MARCHF10: variants seen among roughly 807,000 people sequenced by gnomAD.
MARCHF10 encodes the protein probable E3 ubiquitin-protein ligase MARCHF10.
Under a neutral mutation model 76.2 loss-of-function variants are expected in MARCHF10, and 64 were observed. The observed-to-expected ratio is 0.84, with a 90% CI of 0.69 to 1.03. MARCHF10 has a LOEUF of 1.03. MARCHF10 is among the 50% of genes least tolerant of loss of function. The pLI, the probability that MARCHF10 is intolerant of heterozygous loss-of-function variation, is 0.00. For synonymous variants in MARCHF10, 340 were observed against 357.5 expected (o/e 0.95, Z 0.55); for missense variants, 875 against 958.0 (o/e 0.91, Z 1.14).
Position 62,736,081 on chromosome 17 carries a change from T to G in MARCHF10, c.1787A>C (p.Gln596Pro), listed in dbSNP as rs1206341831. Residue 596 changes from glutamine to proline, a missense_variant, in exon 6 of 11, where the codon CAA becomes CCA. Physicochemically the swap from Gln to Pro is moderately conservative, Grantham distance 76. Coordinates refer to ENST00000311269, the MANE Select transcript of MARCHF10 (RefSeq NM_152598.4). Reference sequence around the variant, plus strand: ...AAAGAAAGTAAATGGTGTATTTTCTTGCAGAGACCCAGACACATGCAAATG... The same window carrying G: ...AAAGAAAGTAAATGGTGTATTTTCTGGCAGAGACCCAGACACATGCAAATG... ...EGHLHVSGSL[Q>P]ENTPFTFFAV... The G allele has an allele frequency of 6.2e-7, 1 of 1,614,092 alleles. No individual in the cohort carries two copies. Among genetic ancestry groups the G allele is most frequent in the Non-Finnish European group, 8.5e-7 (1 of 1,180,042 alleles).
chr17:62,783,841 G>GAATAGACC (rs1177419344), intron 3 of MARCHF10, among the ~76,000 whole-genome samples: 15 of 152,284 alleles, frequency 9.9e-5, no homozygotes, highest in African/African-American at 3.1e-4. Context: ...TTGAATCTCT[G>GAATAGACC]AATAGACCAA....
intron 4 of MARCHF10, among the ~76,000 whole-genome samples, chr17:62,756,788 C>T (rs1182457187): frequency 6.6e-6 from 1 of 152,162 alleles, no homozygotes; most frequent in Non-Finnish European, 1.5e-5. Context: ...GGCCCAGATG[C>T]AAATGCAAAC....
chr17:62,752,816 C>T (rs2091934366), intron 4 of MARCHF10, among the ~76,000 whole-genome samples: 1 of 152,106 alleles, frequency 6.6e-6, no homozygotes, highest in Admixed American at 6.5e-5. Context: ...CTTCTCATTT[C>T]TCCCCCATCC....
chr17:62,789,629 A>C (rs1337519132), intron 2 of MARCHF10, among the ~76,000 whole-genome samples: 1 of 152,194 alleles, frequency 6.6e-6, no homozygotes, highest in Non-Finnish European at 1.5e-5. Context: ...AGCATCCAGC[A>C]TTTAATTTTA....
chr17:62,724,882 T>G (rs2090674377), intron 7 of MARCHF10, 56 bp downstream of exon 7: 1 of 1,591,068 alleles, frequency 6.3e-7, no homozygotes, highest in East Asian at 2.3e-5. Context: ...CACACCGTGG[T>G]GCCTCATGTT....
At chr17:62,742,660 T>C (rs2091555159) in intron 5 of MARCHF10, among the ~76,000 whole-genome samples, 1 of 150,066 alleles carries the variant, frequency 6.7e-6, no homozygotes, top group South Asian at 2.1e-4. Context: ...TGGAGACGCT[T>C]ACCTTTCTCC....
intron 8 of MARCHF10, among the ~76,000 whole-genome samples, chr17:62,713,278 C>T (rs145839457): frequency 1.3e-3 from 202 of 152,270 alleles, no homozygotes; most frequent in African/African-American, 4.4e-3. Context: ...CTTGAGACAC[C>T]GGGATGCATG....
intron 4 of MARCHF10, among the ~76,000 whole-genome samples, chr17:62,750,807 G>A (rs1466902691): frequency 6.6e-6 from 1 of 152,142 alleles, no homozygotes; most frequent in Admixed American, 6.5e-5. Context: ...GTAAGATCCC[G>A]GAGAATGTCC....
At chr17:62,746,823 T>G in intron 4 of MARCHF10, 10 of 1,361,822 alleles carry the variant, frequency 7.3e-6, no homozygotes, top group Non-Finnish European at 9.0e-6. Context: ...CAGCAGAACT[T>G]CACACTGCCC....
At chr17:62,720,411 T>C (rs758397654) in intron 8 of MARCHF10, among the ~76,000 whole-genome samples, 1 of 152,194 alleles carries the variant, frequency 6.6e-6, no homozygotes, top group Non-Finnish European at 1.5e-5. Flanking sequence ...TGCTTCTCAG[T>C]TTCTCTATCC....
intron 6 of MARCHF10, 38 bp from the exon 7 acceptor site, chr17:62,725,142 C>G: frequency 1.3e-6 from 2 of 1,536,496 alleles, no homozygotes; most frequent in Non-Finnish European, 1.7e-6. Context: ...CAGGAGGCTA[C>G]ACGTTTGCAG....
At chr17:62,773,046 T>G (rs2092476918) in intron 3 of MARCHF10, among the ~76,000 whole-genome samples, 1 of 152,162 alleles carries the variant, frequency 6.6e-6, no homozygotes. Flanking sequence ...GAGAAGGGGA[T>G]CTAGGGAGTT....
chr17:62,711,790 T>C lies in MARCHF10; in HGVS notation c.2215-446A>G, dbSNP rs1156726730. ...GCTACAACAGAGATGCACCAGGCCT[T>C]GTCCATAACGTTCTCAGCAGTCACA... On this transcript the variant is annotated intron_variant, in intron 8 of 10. Transcript: ENST00000311269. The surrounding 1 kb of genome is among the most constrained non-coding windows in gnomAD (Gnocchi z 4.4). 9.2e-5 allele frequency among the ~76,000 whole-genome samples: 14 copies of C among 152,202 alleles called. No individual in the cohort carries two copies. Among genetic ancestry groups the C allele is most frequent in the Non-Finnish European group, 2.1e-4 (14 of 68,030 alleles).
chr17:62,727,527 C>T (rs1314227835), intron 6 of MARCHF10, among the ~76,000 whole-genome samples: 1 of 151,980 alleles, frequency 6.6e-6, no homozygotes, highest in Non-Finnish European at 1.5e-5. Context: ...AAATATATAG[C>T]TTGGTGTACT....
chr17:62,726,139 A>G (rs1430143769), intron 6 of MARCHF10: 1 of 152,264 alleles, frequency 6.6e-6, no homozygotes, highest in Non-Finnish European at 1.5e-5. Context: ...TGAAGATAAG[A>G]ACTAACGAAA....
chr17:62,730,197 G>GA (rs923147138), intron 6 of MARCHF10, among the ~76,000 whole-genome samples: 30 of 146,328 alleles, frequency 2.1e-4, no homozygotes, highest in South Asian at 4.5e-4. Context: ...AAAAGAAAAT[G>GA]AAAAAAAAAC....
chr17:62,798,138 T>C (rs2093015218), intron 2 of MARCHF10, among the ~76,000 whole-genome samples: 2 of 152,046 alleles, frequency 1.3e-5, no homozygotes, highest in Non-Finnish European at 2.9e-5. Context: ...AGTCTTAGTA[T>C]AAAGTGGTGG....
intron 8 of MARCHF10, among the ~76,000 whole-genome samples, chr17:62,715,877 A>T (rs1444302979): frequency 6.6e-6 from 1 of 152,158 alleles, no homozygotes; most frequent in Non-Finnish European, 1.5e-5. Flanking sequence ...CCAGAAGTAC[A>T]GAACTAAGGT....
intron 5 of MARCHF10, among the ~76,000 whole-genome samples, chr17:62,739,502 C>T (rs572403475): frequency 7.2e-5 from 11 of 151,966 alleles, no homozygotes; most frequent in South Asian, 6.3e-4. Context: ...CTGCCTCACC[C>T]TCCTGAGTAG....
Sources: gnomAD v4.1 joint callset for allele counts (sites outside exome capture counted in the v4.1 genomes callset) on GRCh38, gnomAD v4.1.1 for gene constraint, Gnocchi (gnomAD v3.1) non-coding constraint, MANE v1.5 for transcripts, NCBI Gene and HGNC (gene_info 2026-07-23, HGNC 2026-07-21) for gene names.